Variants in FANCD2 observed in about 807,000 individuals in gnomAD.
FANCD2 encodes FA complementation group D2, also known as Fanconi anemia group D2 protein.
Under a neutral mutation model 192.3 loss-of-function variants are expected in FANCD2, and 131 were observed. The ratio of observed to expected loss-of-function variants is 0.68; its 90% CI spans 0.59 to 0.79. FANCD2 has a LOEUF of 0.79. FANCD2 is among the 30% of genes least tolerant of loss of function. FANCD2 has a pLI of 0.00. For missense variants in FANCD2, 1,508 were observed against 1,701.6 expected (o/e 0.89, Z 2.00); for synonymous variants, 524 against 612.5 (o/e 0.86, Z 2.13).
chr3:10,052,272 AG>A, intron 17 of FANCD2, 114 bp from the exon 18 acceptor site: 1 of 724,522 alleles, frequency 1.4e-6, no homozygotes. Flanking sequence ...GGAGCTAAAA[AG>A]TTTTAGATAC....
Position 10,099,073 on chromosome 3 carries a change from C to G in FANCD2, c.4281+258C>G, listed in dbSNP as rs1695151111. ...AGTTGACAATTTTCTGCATTATAGC[C>G]TCTCATTTTCCATGAATTCATATCT... On this transcript the variant is annotated intron_variant, in intron 43 of 43. Transcript: ENST00000675286. 16 of 1,554,812 alleles carry G rather than the reference C, an allele frequency of 1.0e-5. No individual in the cohort carries two copies. In the South Asian group the frequency reaches 1.9e-4, roughly 18 times the overall value.
At chr3:10,053,271 C>T (rs1221518229) in intron 18 of FANCD2, among the ~76,000 whole-genome samples, 7 of 151,276 alleles carry the variant, frequency 4.6e-5, no homozygotes, top group East Asian at 1.9e-4. Flanking sequence ...AGTAAACTAT[C>T]GCAAGAACAA....
chr3:10,055,818 AAAATAATAATAAAT>A (rs923510274), intron 18 of FANCD2, among the ~76,000 whole-genome samples: 1 of 151,934 alleles, frequency 6.6e-6, no homozygotes, highest in African/African-American at 2.4e-5. Context: ...TCTCAAAAAA[AAAATAATAATAAAT>A]AAATAAATAA....
Position 10,085,541 on chromosome 3 carries a change from G to A in FANCD2, c.3225-271G>A, listed in dbSNP as rs55989944. 3.2e-3 allele frequency among the ~76,000 whole-genome samples: 488 copies of A among 151,888 alleles called. 9 individuals carry two copies. In the South Asian group the frequency reaches 0.038, roughly 12 times the overall value. On this transcript the variant is annotated intron_variant, in intron 32 of 43. Coordinates refer to ENST00000675286, the MANE Select transcript of FANCD2 (RefSeq NM_001018115.3). ...GGAGTAGCTGGGACTACAGGTGCCCGCCACCACACCCAGCTAATTTTTGTA... is the reference window on the plus strand; with the variant it reads ...GGAGTAGCTGGGACTACAGGTGCCCACCACCACACCCAGCTAATTTTTGTA...
In FANCD2 at chr3:10,032,924, A is replaced by C. The variant is rs1024178739; in HGVS notation, c.157A>C (p.Lys53Gln). 2 of 1,596,140 alleles carry C rather than the reference A, an allele frequency of 1.3e-6. No homozygotes were observed. Among genetic ancestry groups the C allele is most frequent in the Non-Finnish European group, 1.7e-6 (2 of 1,163,832 alleles). ...TGACAGCATCTTTGTAAAGCTTCTT[A>C]AGATATCAGGAATTATTCTTAAAAC... is the stretch of plus-strand genomic sequence containing the variant. Reference protein sequence around the residue: ...ENDSIFVKLLKISGIILKTGE... With the variant: ...ENDSIFVKLLQISGIILKTGE... Residue 53 changes from lysine (K) to glutamine (Q), a missense_variant, in exon 3 of 44, where the codon AAG becomes CAG. Coordinates refer to ENST00000675286, the MANE Select transcript of FANCD2 (RefSeq NM_001018115.3).
intron 6 of FANCD2, 108 bp from the exon 7 acceptor site, chr3:10,036,179 C>A: frequency 1.2e-6 from 1 of 842,246 alleles, no homozygotes; most frequent in African/African-American, 1.7e-5. Context: ...CTCTGCCTTC[C>A]CCAGGTCCAA....
At chr3:10,089,749 T>G (rs1166857886) in intron 36 of FANCD2, among the ~76,000 whole-genome samples, 2 of 152,216 alleles carry the variant, frequency 1.3e-5, no homozygotes, top group Non-Finnish European at 2.9e-5. Context: ...ATTACAGGCA[T>G]GAGCCATTGT....
chr3:10,039,472 A>G, intron 8 of FANCD2, 115 bp downstream of exon 8: 3 of 1,016,414 alleles, frequency 3.0e-6, no homozygotes, highest in Non-Finnish European at 2.9e-6. Flanking sequence ...TCCATCCATT[A>G]GCTTTTTCCA....
intron 19 of FANCD2, among the ~76,000 whole-genome samples, chr3:10,061,279 C>G (rs537766101): frequency 5.3e-5 from 8 of 152,216 alleles, no homozygotes; most frequent in African/African-American, 1.9e-4. Flanking sequence ...TATACTTTCT[C>G]TAAGAAATCT....
At chr3:10,045,580 A>C (rs2086981819) in intron 14 of FANCD2, 2 of 148,494 alleles carry the variant, frequency 1.3e-5, no homozygotes, top group Admixed American at 1.3e-4. Flanking sequence ...AGTCTTTCCA[A>C]CTTTTCACAA....
chr3:10,101,377 CTTTTTTTTT>C lies in FANCD2; in HGVS notation c.*132_*140del, dbSNP rs950337384. ...ACTGGTAGGATCCTTTTTTGTTCCT[CTTTTTTTTT>C]TTTTTTTTTTTTTTTTAAAGACGGG... On this transcript the variant is annotated 3_prime_UTR_variant, in exon 44 of 44. Coordinates refer to ENST00000675286, the MANE Select transcript of FANCD2 (RefSeq NM_001018115.3). The C allele has an allele frequency of 6.2e-5, 24 of 388,514 alleles. No homozygotes were observed. Among genetic ancestry groups the C allele is most frequent in the Non-Finnish European group, 6.0e-5 (13 of 218,470 alleles). 24.1% of individuals were successfully genotyped at this position (388,514 alleles called of 1,614,324 possible).
chr3:10,090,858 A>C (rs1302576622), intron 37 of FANCD2, among the ~76,000 whole-genome samples: 2 of 151,486 alleles, frequency 1.3e-5, no homozygotes, highest in African/African-American at 2.4e-5. Flanking sequence ...TTTTTTTTCA[A>C]AGAGTTCCTA....
At chr3:10,095,173 G>A in intron 40 of FANCD2, 27 bp from the exon 41 acceptor site, 1 of 1,575,736 alleles carries the variant, frequency 6.3e-7, no homozygotes, top group Non-Finnish European at 8.7e-7. Flanking sequence ...ACATTTCATA[G>A]AGCATTTATA....
intron 2 of FANCD2, among the ~76,000 whole-genome samples, chr3:10,031,307 T>C (rs947308058): frequency 5.3e-5 from 8 of 152,110 alleles, no homozygotes; most frequent in African/African-American, 1.4e-4. Context: ...ATTGAGACCA[T>C]CTTGGCTAAC....
chr3:10,059,942 T>G (rs1265543651), intron 18 of FANCD2, among the ~76,000 whole-genome samples: 1 of 152,042 alleles, frequency 6.6e-6, no homozygotes, highest in Non-Finnish European at 1.5e-5. Flanking sequence ...AGGCCAAGGC[T>G]GGTGGATCAC....
intron 18 of FANCD2, among the ~76,000 whole-genome samples, chr3:10,057,265 A>G (rs1024741409): frequency 1.3e-5 from 2 of 152,154 alleles, no homozygotes; most frequent in African/African-American, 4.8e-5. Flanking sequence ...ATTTTCTCCC[A>G]TTCTATGGGT....
intron 17 of FANCD2, among the ~76,000 whole-genome samples, chr3:10,049,947 C>T (rs1435478826): frequency 6.6e-6 from 1 of 152,010 alleles, no homozygotes; most frequent in East Asian, 1.9e-4. Flanking sequence ...CAAACTGGTG[C>T]CCAAGTCAAT....
intron 17 of FANCD2, among the ~76,000 whole-genome samples, chr3:10,051,411 AAAGGAGT>A (rs1285277812): frequency 0.11 from 1,610 of 15,238 alleles, 349 homozygotes; most frequent in African/African-American, 0.43. Context: ...AAAAAAACAA[AAAGGAGT>A]GAGGGATTTA....
At chr3:10,085,155 A>T (rs1694105880) in intron 32 of FANCD2, among the ~76,000 whole-genome samples, 1 of 152,200 alleles carries the variant, frequency 6.6e-6, no homozygotes, top group Non-Finnish European at 1.5e-5. Context: ...TTTGAAGAAG[A>T]CTACATATCT....
Sources: allele counts gnomAD v4.1 joint callset (sites outside exome capture counted in the v4.1 genomes callset), GRCh38; gene constraint gnomAD v4.1.1; transcripts MANE v1.5; gene names NCBI Gene and HGNC (gene_info 2026-07-23, HGNC 2026-07-21).